Variants in INPP5D observed in about 807,000 individuals in gnomAD.
INPP5D encodes the protein inositol polyphosphate-5-phosphatase D, also known as phosphatidylinositol 3,4,5-trisphosphate 5-phosphatase 1.
INPP5D carries 33 observed loss-of-function variants against 122.9 expected under a neutral mutation model. The ratio of observed to expected loss-of-function variants is 0.27; its 90% confidence interval spans 0.20 to 0.36. The LOEUF (loss-of-function observed/expected upper bound fraction) is 0.36. INPP5D is among the 10% of genes least tolerant of loss of function. The pLI, the probability that INPP5D is intolerant of heterozygous loss-of-function variation, is 1.00. For synonymous variants in INPP5D, 584 were observed against 576.2 expected (o/e 1.01, Z -0.19); for missense variants, 1,053 against 1,412.7 (o/e 0.75, Z 4.08).
intron 17 of INPP5D, among the ~76,000 whole-genome samples, chr2:233,171,507 C>T (rs375552091): frequency 2.0e-5 from 3 of 152,312 alleles, no homozygotes; most frequent in Admixed American, 6.5e-5. Flanking sequence ...CAGGTTTCTT[C>T]GCTGCAGGAC....
chr2:233,159,769 C>A (rs1488715729), intron 10 of INPP5D, among the ~76,000 whole-genome samples: 1 of 150,942 alleles, frequency 6.6e-6, no homozygotes, highest in African/African-American at 2.4e-5. Context: ...CATCTCACAT[C>A]AGGGACCCCC....
chr2:233,186,481 G>A (rs1280860436), intron 21 of INPP5D, among the ~76,000 whole-genome samples: 1 of 151,940 alleles, frequency 6.6e-6, no homozygotes, highest in African/African-American at 2.4e-5. Context: ...AGACCTTAGT[G>A]GGAACACATT....
At chr2:233,163,217 G>C (rs1016690453) in intron 11 of INPP5D, among the ~76,000 whole-genome samples, 28 of 152,334 alleles carry the variant, frequency 1.8e-4, no homozygotes, top group Non-Finnish European at 3.4e-4. Flanking sequence ...TGGGAATGCG[G>C]AGGAGTTTCC....
At chr2:233,137,531 C>A (rs1224687721) in intron 5 of INPP5D, among the ~76,000 whole-genome samples, 2 of 150,086 alleles carry the variant, frequency 1.3e-5, no homozygotes, top group Non-Finnish European at 3.0e-5. Context: ...TCTTGGCTCA[C>A]TGCAACTTCT....
rs1292900229 is a variant in INPP5D at position 233,078,706 on chromosome 2, C to T, written c.135-629C>T. ...TGTTTTGTTTTGTTTTGTTTTGAGA[C>T]GGAGTCTCACTCTGTCGCCAGGCTG... On this transcript the variant is annotated intron_variant, in intron 1 of 26. Coordinates refer to ENST00000445964, the MANE Select transcript of INPP5D (RefSeq NM_001017915.3). This position sits in a 1 kb window ranked among gnomAD's most constrained non-coding sequence, Gnocchi z 4.6. Among the ~76,000 whole-genome samples the T allele has an allele frequency of 1.0e-4, 15 of 148,008 alleles. No homozygotes were observed. The highest frequency in any genetic ancestry group is 3.9e-4 in the African/African-American group (15 of 38,778).
rs770704410 is a variant in INPP5D, at chr2:233,169,302, T to C, written c.1556-3T>C. On this transcript the variant is annotated splice_polypyrimidine_tract_variant and splice_region_variant and intron_variant, in intron 13 of 26. Coordinates refer to ENST00000445964, the MANE Select transcript of INPP5D (RefSeq NM_001017915.3). The stretch of plus-strand genomic sequence containing the variant: ...TGATTCTTCTTTCTGCTCTTCTTTT[T>C]AGGGAACAAGGGAGCCGTGGGGGTG... 2.5e-6 allele frequency: 4 copies of C among 1,598,400 alleles called. No homozygotes were observed. In the South Asian group the frequency reaches 4.5e-5, roughly 18 times the overall value.
At chr2:233,133,665 T>G (rs1693391729) in intron 5 of INPP5D, among the ~76,000 whole-genome samples, 1 of 152,194 alleles carries the variant, frequency 6.6e-6, no homozygotes, top group South Asian at 2.1e-4. Context: ...TGTCCTGTGT[T>G]TTACCTGGTC....
chr2:233,161,423 C>A (rs1450908314), intron 10 of INPP5D, among the ~76,000 whole-genome samples: 1 of 152,166 alleles, frequency 6.6e-6, no homozygotes, highest in Non-Finnish European at 1.5e-5. Flanking sequence ...TCTCCTAAGG[C>A]TGGACAGTAA....
At chr2:233,063,968 C>T (rs368859944) in intron 1 of INPP5D, among the ~76,000 whole-genome samples, 2 of 152,266 alleles carry the variant, frequency 1.3e-5, no homozygotes, top group Admixed American at 1.3e-4. Flanking sequence ...ACGCAGGGGC[C>T]AGCACACCTG....
chr2:233,182,309 G>C, intron 18 of INPP5D, 101 bp from the exon 19 acceptor site: 1 of 1,538,076 alleles, frequency 6.5e-7, no homozygotes, highest in South Asian at 1.2e-5. Flanking sequence ...CTTCTGGAGG[G>C]CTCCATAACT....
chr2:233,063,612 C>T (rs1237653004), intron 1 of INPP5D, among the ~76,000 whole-genome samples: 1 of 152,244 alleles, frequency 6.6e-6, no homozygotes, highest in African/African-American at 2.4e-5. Flanking sequence ...TGCATTTCCT[C>T]GAGAGAGGTC....
chr2:233,092,924 C>A (rs1692030949), intron 2 of INPP5D, among the ~76,000 whole-genome samples: 1 of 152,108 alleles, frequency 6.6e-6, no homozygotes, highest in African/African-American at 2.4e-5. Context: ...GACACGTTGC[C>A]CCTGACAGGG....
At chr2:233,176,340 G>GATGC (rs1559335607) in intron 17 of INPP5D, among the ~76,000 whole-genome samples, 5 of 55,224 alleles carry the variant, frequency 9.1e-5, no homozygotes, top group Admixed American at 8.4e-4. Context: ...TGGATGGATG[G>GATGC]ATGGATGGAT....
rs528398426 is a variant in INPP5D, at chr2:233,192,594, T to C, written c.2447-1218T>C. On this transcript the variant is annotated intron_variant, in intron 22 of 26. Coordinates refer to ENST00000445964, the MANE Select transcript of INPP5D (RefSeq NM_001017915.3). The stretch of plus-strand genomic sequence containing the variant: ...CTTTTGATGGCTGCATTATATTCCA[T>C]GGACTTACTGCATCCTCATTTTAAA... 4.6e-5 allele frequency among the ~76,000 whole-genome samples: 7 copies of C among 152,322 alleles called. No homozygotes were observed. In the East Asian group the frequency reaches 1.4e-3, roughly 29 times the overall value.
chr2:233,065,137 C>T (rs966035401), intron 1 of INPP5D, among the ~76,000 whole-genome samples: 2 of 152,110 alleles, frequency 1.3e-5, no homozygotes, highest in Non-Finnish European at 2.9e-5. Context: ...TGTGAAGTGA[C>T]GCAGAGCAAG....
At position 233,182,274 on chromosome 2, in the gene INPP5D, A is replaced by G. The variant is rs1694803057; in HGVS notation, c.2072-136A>G. 3 of 1,281,034 alleles carry G rather than the reference A, an allele frequency of 2.3e-6. No individual in the cohort carries two copies. In the African/African-American group the frequency reaches 4.5e-5, roughly 19 times the overall value. The allele number at this position is 1,281,034 out of a possible 1,614,324, so 79.4% of individuals were successfully genotyped here. A position where few individuals can be genotyped will look rare whatever the true frequency, so the allele number is the denominator to read the frequency against. ...TGAACCCTTTAAGCATTGCTGTGGA[A>G]GGACAACAGGTGCAAAACTTCGCAC... is the stretch of plus-strand genomic sequence containing the variant. On this transcript the variant is annotated intron_variant, in intron 18 of 26. Transcript: ENST00000445964.
Position 233,206,121 on chromosome 2 carries a change from C to T in INPP5D, c.3568-585C>T, listed in dbSNP as rs186047608. On this transcript the variant is annotated intron_variant, in intron 26 of 26. Coordinates refer to ENST00000445964, the MANE Select transcript of INPP5D (RefSeq NM_001017915.3). The surrounding 1 kb of genome is among the most constrained non-coding windows in gnomAD (Gnocchi z 4.0). ...GGCTATGTTGGATTTGAATCCCAGCCCTCCCACCTCCTGGCTCTGTGCCTT... is the reference window on the plus strand; with the variant it reads ...GGCTATGTTGGATTTGAATCCCAGCTCTCCCACCTCCTGGCTCTGTGCCTT... 1.5e-3 allele frequency among the ~76,000 whole-genome samples: 225 copies of T among 152,088 alleles called. 3 individuals carry two copies. Among genetic ancestry groups the T allele is most frequent in the African/African-American group, 5.0e-3 (208 of 41,478 alleles).
chr2:233,184,407 G>A lies in INPP5D; in HGVS notation c.2162-1G>A, dbSNP rs762744398. ...TGAATCCGTGTTCTCCCCTGTTCCA[G>A]GTCCCGGGACTGTTGACAGCCAAGG... is the stretch of plus-strand genomic sequence containing the variant. On this transcript the variant is annotated splice_acceptor_variant, in intron 19 of 26. Transcript: ENST00000445964. LOFTEE classifies it high-confidence loss of function. 1 of 1,613,874 alleles carries A rather than the reference G, an allele frequency of 6.2e-7. No individual in the cohort carries two copies. Among genetic ancestry groups the A allele is most frequent in the South Asian group, 1.1e-5 (1 of 91,054 alleles).
At chr2:233,117,964 C>T (rs992258352) in intron 2 of INPP5D, among the ~76,000 whole-genome samples, 7 of 152,212 alleles carry the variant, frequency 4.6e-5, no homozygotes, top group African/African-American at 1.7e-4. Context: ...CATGGAACCA[C>T]TAAATGCTGC....
Sources: gnomAD v4.1 joint callset for allele counts (sites outside exome capture counted in the v4.1 genomes callset) on GRCh38, gnomAD v4.1.1 for gene constraint, Gnocchi (gnomAD v3.1) non-coding constraint, MANE v1.5 for transcripts, NCBI Gene and HGNC (gene_info 2026-07-23, HGNC 2026-07-21) for gene names.